The following KCTD3 variants were observed in gnomAD, a reference collection of about 807,000 sequenced individuals.
The protein encoded by KCTD3 is BTB/POZ domain-containing protein KCTD3.
A neutral mutation model predicts 85.8 loss-of-function variants in KCTD3; 41 were observed. That is an observed-to-expected ratio of 0.48 (90% CI 0.37 to 0.62). KCTD3 has a LOEUF of 0.62. Among genes scored for constraint, KCTD3 ranks in the 20% least tolerant of loss-of-function variants. The pLI, the probability that KCTD3 is intolerant of heterozygous loss-of-function variation, is 0.00. For missense variants in KCTD3, 724 were observed against 989.9 expected (o/e 0.73, Z 3.60); for synonymous variants, 338 against 345.4 (o/e 0.98, Z 0.24).
chr1:215,591,588 C>T (rs1012247624), intron 9 of KCTD3, among the ~76,000 whole-genome samples: 5 of 152,062 alleles, frequency 3.3e-5, no homozygotes, highest in Non-Finnish European at 7.4e-5. Context: ...ATCTCTTGAC[C>T]TCGTAATCCG....
chr1:215,572,342 T>G (rs1260923334), intron 1 of KCTD3, among the ~76,000 whole-genome samples: 1 of 152,206 alleles, frequency 6.6e-6, no homozygotes, highest in South Asian at 2.1e-4. Flanking sequence ...TAATACAAAA[T>G]CCATTTCTGA....
chr1:215,604,611 T>C, intron 13 of KCTD3, among the ~76,000 whole-genome samples: 1 of 151,720 alleles, frequency 6.6e-6, no homozygotes, highest in East Asian at 1.9e-4. Flanking sequence ...AAAAAAGATG[T>C]TTTTTATTTT....
At chr1:215,614,864 C>T (rs1363875539) in intron 15 of KCTD3, among the ~76,000 whole-genome samples, 1 of 152,064 alleles carries the variant, frequency 6.6e-6, no homozygotes, top group East Asian at 1.9e-4. Flanking sequence ...GAATTTTTTA[C>T]ATCAAAGTTC....
chr1:215,604,091 G>A (rs745997249), intron 12 of KCTD3, 41 bp from the exon 13 acceptor site: 7 of 1,469,098 alleles, frequency 4.8e-6, no homozygotes, highest in African/African-American at 1.4e-5. Flanking sequence ...TTTTATTATC[G>A]TTCCATAATG....
chr1:215,586,335 T>C (rs1211949336), intron 8 of KCTD3, among the ~76,000 whole-genome samples, 160 bp from the exon 9 acceptor site: 2 of 152,184 alleles, frequency 1.3e-5, no homozygotes, highest in Admixed American at 1.3e-4. Context: ...ATAGGCAATA[T>C]AGATCAACAA....
chr1:215,587,380 C>T (rs545022157), intron 9 of KCTD3, among the ~76,000 whole-genome samples: 119 of 152,242 alleles, frequency 7.8e-4, no homozygotes, highest in African/African-American at 2.8e-3. Flanking sequence ...CCGCCCACCT[C>T]GGCCTCCCAA....
intron 13 of KCTD3, among the ~76,000 whole-genome samples, chr1:215,605,734 C>G (rs1654994879): frequency 6.6e-6 from 1 of 152,112 alleles, no homozygotes; most frequent in Admixed American, 6.6e-5. Context: ...AGCTGAAAAT[C>G]TAGGAATCAC....
chr1:215,586,718 T>C (rs985298953), intron 9 of KCTD3, 33 bp downstream of exon 9: 7 of 1,555,854 alleles, frequency 4.5e-6, no homozygotes, highest in Non-Finnish European at 6.2e-6. Flanking sequence ...TGCAATTTGA[T>C]GATATTAATA....
intron 4 of KCTD3, 89 bp downstream of exon 4, chr1:215,576,063 GTT>G: frequency 4.4e-5 from 27 of 617,358 alleles, no homozygotes; most frequent in East Asian, 1.1e-4. Context: ...TTTTTTGTTT[GTT>G]TTTTTTTTTC....
At position 215,574,021 on chromosome 1, in the gene KCTD3, T is replaced by A. The variant is rs1316854903; in HGVS notation, c.138-52T>A. 5.2e-6 allele frequency: 7 copies of A among 1,333,468 alleles called. No individual in the cohort carries two copies. In the East Asian group the frequency reaches 1.4e-4, roughly 26 times the overall value. 82.6% of individuals were successfully genotyped at this position (1,333,468 alleles called of 1,614,324 possible). ...AACATTTGGTAAAGAATTAGCACAT[T>A]TGTTTATACTCAGATTTTAAAAACT... On this transcript the variant is annotated intron_variant, in intron 2 of 17. Coordinates refer to ENST00000259154, the MANE Select transcript of KCTD3 (RefSeq NM_016121.5).
rs1270922609 is a variant in KCTD3, at chr1:215,567,337, G to C, written c.-349G>C. 6.1e-6 allele frequency: 1 copy of C among 165,060 alleles called. No homozygotes were observed. Among genetic ancestry groups the C allele is most frequent in the African/African-American group, 2.4e-5 (1 of 41,996 alleles). The allele number at this position is 165,060 out of a possible 1,614,324, so 10.2% of individuals were successfully genotyped here. The stretch of plus-strand genomic sequence containing the variant: ...CGGCAGTGGCGGGCGAAGCGTGAGC[G>C]CTGCGGTATTTTGTCCCGAACGGTG... On this transcript the variant is annotated 5_prime_UTR_variant, in exon 1 of 18. Transcript: ENST00000259154.
chr1:215,604,450 A>T, intron 13 of KCTD3, 148 bp downstream of exon 13: 2 of 677,286 alleles, frequency 3.0e-6, no homozygotes, highest in East Asian at 5.5e-5. Context: ...ATTGTCTTTT[A>T]AAGATTTCTT....
chr1:215,617,627 A>C (rs986738089), intron 15 of KCTD3, among the ~76,000 whole-genome samples: 9 of 151,710 alleles, frequency 5.9e-5, no homozygotes, highest in African/African-American at 9.7e-5. Context: ...TCAGAAGGGG[A>C]TAGCTGACCT....
intron 3 of KCTD3, among the ~76,000 whole-genome samples, chr1:215,575,076 A>AC (rs1334692091): frequency 1.3e-5 from 2 of 151,924 alleles, no homozygotes; most frequent in Non-Finnish European, 2.9e-5. Context: ...ACATGGTGAA[A>AC]CCCCCTCTCT....
chr1:215,610,645 C>G (rs572977254), intron 14 of KCTD3, among the ~76,000 whole-genome samples: 14 of 151,922 alleles, frequency 9.2e-5, no homozygotes, highest in Non-Finnish European at 1.3e-4. Context: ...AATTAGAGAT[C>G]AGAAGGTTCC....
chr1:215,603,257 G>A (rs1654900697), intron 12 of KCTD3, among the ~76,000 whole-genome samples: 1 of 152,062 alleles, frequency 6.6e-6, no homozygotes, highest in African/African-American at 2.4e-5. Flanking sequence ...GAAAAATGGA[G>A]TCATCTTTCT....
Position 215,620,928 on chromosome 1 carries a change from G to A in KCTD3, c.*310G>A, listed in dbSNP as rs1173827584. 9 of 330,326 alleles carry A rather than the reference G, an allele frequency of 2.7e-5. No individual in the cohort carries two copies. The highest frequency in any genetic ancestry group is 4.8e-5 in the East Asian group (1 of 20,976). The allele number at this position is 330,326 out of a possible 1,614,324, so 20.5% of individuals were successfully genotyped here. ...GTCTTAATAGGATGGTGCCCATATA[G>A]GTGAGCATCCCTTTAGATCATGGGA... On this transcript the variant is annotated 3_prime_UTR_variant, in exon 18 of 18. Coordinates refer to ENST00000259154, the MANE Select transcript of KCTD3 (RefSeq NM_016121.5).
intron 9 of KCTD3, among the ~76,000 whole-genome samples, chr1:215,588,528 G>A (rs888020615): frequency 1.3e-5 from 2 of 152,076 alleles, no homozygotes; most frequent in African/African-American, 4.8e-5. Context: ...CCTGGTTTGT[G>A]CTAAGTAAGG....
chr1:215,619,357 G>A (rs1293989559), intron 17 of KCTD3, 66 bp downstream of exon 17: 20 of 1,309,788 alleles, frequency 1.5e-5, no homozygotes, highest in East Asian at 9.4e-5. Context: ...CTGAAATATT[G>A]TAATCACATA....
Sources: allele counts gnomAD v4.1 joint callset (sites outside exome capture counted in the v4.1 genomes callset), GRCh38; gene constraint gnomAD v4.1.1; transcripts MANE v1.5; gene names NCBI Gene and HGNC (gene_info 2026-07-23, HGNC 2026-07-21).